NCAPG: variants seen among roughly 807,000 people sequenced by gnomAD.
NCAPG encodes the protein non-SMC condensin I complex subunit G.
NCAPG carries 69 observed loss-of-function variants against 113.1 expected under a neutral mutation model. The observed-to-expected ratio is 0.61, with a 90% confidence interval of 0.50 to 0.75. NCAPG has a LOEUF of 0.75. Ranked by LOEUF, NCAPG falls within the 30% of genes least tolerant of loss-of-function variation. The pLI is 0.00. For synonymous variants in NCAPG, 370 were observed against 415.8 expected, an observed-to-expected ratio of 0.89 and a Z score of 1.34; for missense variants, 1,058 against 1,177.0, an observed-to-expected ratio of 0.90 and a Z score of 1.48.
intron 14 of NCAPG, among the ~76,000 whole-genome samples, chr4:17,834,791 T>A (rs1722026585): frequency 6.6e-6 from 1 of 152,110 alleles, no homozygotes; most frequent in South Asian, 2.1e-4. Context: ...CCTATGCTCT[T>A]TATATCTTAT....
chr4:17,822,946 T>A (rs1251741409), intron 7 of NCAPG, 37 bp from the exon 8 acceptor site: 1 of 1,531,480 alleles, frequency 6.5e-7, no homozygotes. Context: ...TTGATGTTTC[T>A]TAAAAGATTC....
intron 19 of NCAPG, chr4:17,841,974 A>G (rs1394137944): frequency 5.1e-6 from 1 of 195,716 alleles, no homozygotes; most frequent in Non-Finnish European, 1.1e-5. Flanking sequence ...ACTTTGTGCT[A>G]TAGCAATAAT....
chr4:17,843,151 C>T (rs1722585401), intron 20 of NCAPG, 151 bp from the exon 21 acceptor site: 2 of 759,558 alleles, frequency 2.6e-6, no homozygotes, highest in Non-Finnish European at 4.1e-6. Context: ...GTTTTTTTGA[C>T]ATTGAGATTT....
intron 14 of NCAPG, among the ~76,000 whole-genome samples, chr4:17,836,262 T>G (rs1722087601): frequency 6.6e-6 from 1 of 152,216 alleles, no homozygotes; most frequent in Non-Finnish European, 1.5e-5. Context: ...GTATATTTTG[T>G]TTGGATAAAT....
At chr4:17,838,433 A>C (rs1351258896) in intron 16 of NCAPG, among the ~76,000 whole-genome samples, 6 of 152,190 alleles carry the variant, frequency 3.9e-5, no homozygotes, top group African/African-American at 1.4e-4. Context: ...ATTACAAAGG[A>C]TATTAGGCAA....
Position 17,840,072 on chromosome 4 carries a change from A to C in NCAPG, c.2630A>C (p.Gln877Pro), listed in dbSNP as rs569704687. 2 of 1,594,490 alleles carry C rather than the reference A, an allele frequency of 1.3e-6. No homozygotes were observed. The highest frequency in any genetic ancestry group is 1.7e-6 in the Non-Finnish European group (2 of 1,174,078). ...TGTTAATAATGTTTTCTTTTATAGC[A>C]AGTAAAAGATAGGACATGTCTGAGA... ...LLVLLNEILEQVKDRTCLRAL... is the reference protein window; with the variant it reads ...LLVLLNEILEPVKDRTCLRAL... The change falls in exon 18 of 21, where the codon CAA (glutamine) becomes CCA (proline). Residue 877 changes from glutamine to proline, a missense_variant and splice_region_variant. Transcript: ENST00000251496.
intron 12 of NCAPG, 118 bp downstream of exon 12, chr4:17,828,506 T>C: frequency 2.0e-6 from 1 of 508,698 alleles, no homozygotes; most frequent in East Asian, 3.3e-5. Flanking sequence ...CTGATAAGTA[T>C]AAATGATAAA....
chr4:17,838,413 G>A (rs1722189772), intron 16 of NCAPG, among the ~76,000 whole-genome samples: 1 of 152,132 alleles, frequency 6.6e-6, no homozygotes, highest in African/African-American at 2.4e-5. Context: ...TATATTATTG[G>A]AAAGATAAGA....
At chr4:17,816,595 G>C (rs772514334) in intron 5 of NCAPG, among the ~76,000 whole-genome samples, 1 of 152,180 alleles carries the variant, frequency 6.6e-6, no homozygotes, top group Non-Finnish European at 1.5e-5. Flanking sequence ...GTTCAGTGAC[G>C]TGTGCTTGTA....
In NCAPG at chr4:17,836,821, GTTTTCTATGTCTTAGAAACCCTAAGCAT is replaced by G. The variant is rs573066953; in HGVS notation, c.2110-335_2110-308del. On this transcript the variant is annotated intron_variant, in intron 14 of 20. Transcript: ENST00000251496. ...CCTTCCTCTAATACCAGGGGCCAGG[GTTTTCTATGTCTTAGAAACCCTAAGCAT>G]TTAAATATATGTTTTGCTCTTTTTT... Among the ~76,000 whole-genome samples the G allele has an allele frequency of 5.4e-4, 82 of 152,112 alleles. 2 individuals are homozygous for G. The South Asian group carries it at 0.016, about 30-fold the overall frequency.
chr4:17,843,403 T>G lies in NCAPG; in HGVS notation c.3026T>G (p.Phe1009Cys), dbSNP rs1313461076. Residue 1009 changes from phenylalanine to cysteine, a missense_variant, in exon 21 of 21, where the codon TTT becomes TGT. Coordinates refer to ENST00000251496, the MANE Select transcript of NCAPG (RefSeq NM_022346.5). ...AAAAGTAAACTTAACCTTGCCCAAT[T>G]TCTCAATGAAGATCTAAGTTAGGAA... ...LEKSKLNLAQ[F>C]LNEDLS is the part of the protein sequence containing the mutation. The G allele has an allele frequency of 1.2e-6, 2 of 1,611,390 alleles. No individual in the cohort carries two copies.
At chr4:17,818,688 G>A (rs1049658610) in intron 7 of NCAPG, among the ~76,000 whole-genome samples, 8 of 152,264 alleles carry the variant, frequency 5.3e-5, no homozygotes, top group Admixed American at 3.3e-4. Flanking sequence ...AATTCACAGC[G>A]TGGATCTTTG....
chr4:17,816,718 A>G (rs1409298745), intron 5 of NCAPG, among the ~76,000 whole-genome samples: 1 of 152,170 alleles, frequency 6.6e-6, no homozygotes, highest in East Asian at 1.9e-4. Context: ...CCCAGGGGAG[A>G]AGGAATGTAA....
intron 1 of NCAPG, 86 bp from the exon 2 acceptor site, chr4:17,812,135 C>A: frequency 1.1e-6 from 1 of 948,498 alleles, no homozygotes; most frequent in Non-Finnish European, 1.6e-6. Flanking sequence ...ATTATTATGG[C>A]TAGTGCTTTC....
At chr4:17,837,033 A>G in intron 14 of NCAPG, 126 bp from the exon 15 acceptor site, 2 of 748,030 alleles carry the variant, frequency 2.7e-6, no homozygotes, top group South Asian at 4.7e-5. Context: ...TTTGCCTTTA[A>G]AGAATTTGTA....
At position 17,837,930 on chromosome 4, in the gene NCAPG, A is replaced by G. The variant is rs2109064657; in HGVS notation, c.2466+129A>G. Reference sequence around the variant, plus strand: ...CTGTCTCAAGCATATACCACAAAGCACGAAAGAAACATGACCTTGGGAAAT... The same window carrying G: ...CTGTCTCAAGCATATACCACAAAGCGCGAAAGAAACATGACCTTGGGAAAT... On this transcript the variant is annotated intron_variant, in intron 16 of 20. Transcript: ENST00000251496. The G allele has an allele frequency of 4.4e-6, 4 of 908,410 alleles. No homozygotes were observed. In the East Asian group the frequency reaches 1.0e-4, roughly 23 times the overall value. 56.3% of individuals were successfully genotyped at this position (908,410 alleles called of 1,614,324 possible).
intron 13 of NCAPG, 67 bp downstream of exon 13, chr4:17,831,183 A>G (rs748728200): frequency 3.1e-5 from 46 of 1,503,128 alleles, no homozygotes; most frequent in Non-Finnish European, 4.1e-5. Flanking sequence ...TAATGCTAAT[A>G]CTCTGAATTT....
At chr4:17,817,562 C>T (rs1437270616) in intron 6 of NCAPG, 109 bp downstream of exon 6, 3 of 864,590 alleles carry the variant, frequency 3.5e-6, no homozygotes, top group Admixed American at 2.8e-5. Flanking sequence ...TTAATCTTAA[C>T]TCTCTTTTGT....
intron 20 of NCAPG, 82 bp downstream of exon 20, chr4:17,842,461 GA>G: frequency 9.7e-7 from 1 of 1,031,930 alleles, no homozygotes; most frequent in Non-Finnish European, 1.5e-6. Context: ...ATTTTCTTGC[GA>G]ATGAGAGAGA....
Sources: allele counts gnomAD v4.1 joint callset (sites outside exome capture counted in the v4.1 genomes callset), GRCh38; gene constraint gnomAD v4.1.1; transcripts MANE v1.5; gene names NCBI Gene and HGNC (gene_info 2026-07-23, HGNC 2026-07-21).